TEX9: variants seen among roughly 807,000 people sequenced by gnomAD.
TEX9 encodes testis expressed 9, also known as testis-expressed protein 9.
TEX9 carries 74 observed loss-of-function variants against 59.6 expected under a neutral mutation model. The ratio of observed to expected loss-of-function variants is 1.24; its 90% CI spans 1.03 to 1.51. TEX9 has a LOEUF of 1.51. Among genes scored for constraint, TEX9 ranks in the 40% most tolerant of loss-of-function variants. The pLI is 0.00. For synonymous variants in TEX9, 186 were observed against 152.2 expected, an observed-to-expected ratio of 1.22 and a Z score of -1.64; for missense variants, 522 against 447.8, an observed-to-expected ratio of 1.17 and a Z score of -1.49.
chr15:56,433,665 C>T (rs1309112663), intron 12 of TEX9, among the ~76,000 whole-genome samples: 1 of 152,122 alleles, frequency 6.6e-6, no homozygotes, highest in Non-Finnish European at 1.5e-5. Flanking sequence ...ACCTTCAATG[C>T]TCTCACTTGA....
At chr15:56,422,112 A>G (rs1596230727) in intron 10 of TEX9, among the ~76,000 whole-genome samples, 2 of 78,592 alleles carry the variant, frequency 2.5e-5, no homozygotes, top group East Asian at 4.5e-4. Context: ...GGGAGGGGGG[A>G]GGGGGGAGGG....
At chr15:56,310,979 C>A (rs1260911953) in intron 1 of TEX9, among the ~76,000 whole-genome samples, 2 of 152,230 alleles carry the variant, frequency 1.3e-5, no homozygotes, top group African/African-American at 4.8e-5. Flanking sequence ...TACAGATGAC[C>A]TCAGACGAAC....
chr15:56,403,861 G>C (rs1488413336), intron 9 of TEX9, among the ~76,000 whole-genome samples: 1 of 152,160 alleles, frequency 6.6e-6, no homozygotes, highest in Non-Finnish European at 1.5e-5. Flanking sequence ...TGACAAACCT[G>C]ACAAAAACAA....
At chr15:56,352,470 C>G (rs1364347581) in intron 1 of TEX9, among the ~76,000 whole-genome samples, 2 of 151,568 alleles carry the variant, frequency 1.3e-5, no homozygotes, top group Non-Finnish European at 2.9e-5. Flanking sequence ...CCAGGCTGGT[C>G]TTGAACTCCT....
At chr15:56,424,467 G>C (rs1423628621) in intron 10 of TEX9, among the ~76,000 whole-genome samples, 3 of 152,036 alleles carry the variant, frequency 2.0e-5, no homozygotes, top group African/African-American at 7.2e-5. Flanking sequence ...TTTTGGTTAG[G>C]GAGTTTTGTC....
chr15:56,356,528 A>G (rs2046687913), intron 1 of TEX9, among the ~76,000 whole-genome samples: 1 of 152,124 alleles, frequency 6.6e-6, no homozygotes, highest in Non-Finnish European at 1.5e-5. Flanking sequence ...TTTGGTAGGC[A>G]TACGTGTGTG....
At chr15:56,453,214 C>G in the TEX9 span, among the ~76,000 whole-genome samples, 2 of 152,088 alleles carry the variant, frequency 1.3e-5, no homozygotes, top group African/African-American at 2.4e-5. Context: ...TCCCAAAAGA[C>G]ATAATAAATA....
intron 10 of TEX9, among the ~76,000 whole-genome samples, chr15:56,422,597 C>G (rs1407136559): frequency 6.6e-6 from 1 of 151,824 alleles, no homozygotes; most frequent in East Asian, 1.9e-4. Context: ...CCCACCCTTT[C>G]TGCTATTGTC....
chr15:56,339,383 C>CAAAAAAAAAAAAAAAAAAAAAAA lies in TEX9; in HGVS notation c.-106-34049_-106-34027dup, dbSNP rs71456382. ...GGGTGTCAGAGCAAGACTCCTTCTCCAAAAAAAAAAAAAAAAAAAAAAAAA... is the reference window on the plus strand; with the variant it reads ...GGGTGTCAGAGCAAGACTCCTTCTCCAAAAAAAAAAAAAAAAAAAAAAAAAAAAAAAAAAAAAAAAAAAAAAAA... On this transcript the variant is annotated intron_variant, in intron 1 of 5. Coordinates refer to the TEX9 transcript ENST00000560827. 2.3e-4 allele frequency among the ~76,000 whole-genome samples: 7 copies of CAAAAAAAAAAAAAAAAAAAAAAA among 30,766 alleles called. 1 individual carries two copies. The highest frequency in any genetic ancestry group is 7.2e-4 in the African/African-American group (6 of 8,326). The allele number at this position is 30,766 out of a possible 152,430, so 20.2% of individuals were successfully genotyped here.
chr15:56,372,321 T>C (rs565034986), intron 2 of TEX9, among the ~76,000 whole-genome samples: 43 of 151,088 alleles, frequency 2.8e-4, no homozygotes, highest in East Asian at 2.3e-3. Context: ...TCTCCCCCCC[T>C]TTTTTTTTCC....
chr15:56,308,966 G>C (rs1412824796), intron 1 of TEX9, among the ~76,000 whole-genome samples: 1 of 152,106 alleles, frequency 6.6e-6, no homozygotes, highest in East Asian at 1.9e-4. Context: ...AGTAAGTTTT[G>C]AAATCAGAAA....
At chr15:56,244,794 C>T (rs1166350616) in intron 1 of TEX9, among the ~76,000 whole-genome samples, 3 of 151,950 alleles carry the variant, frequency 2.0e-5, no homozygotes, top group African/African-American at 7.2e-5. Flanking sequence ...GAACACCCGC[C>T]CTCCCCCCGC....
rs182766518 is a variant in TEX9, at chr15:56,245,515, C to G, written c.-107+1237C>G. Among the ~76,000 whole-genome samples, 51 of 152,290 alleles carry G rather than the reference C, an allele frequency of 3.3e-4. 1 individual carries two copies. Among genetic ancestry groups the G allele is most frequent in the Middle Eastern group, 6.8e-3 (2 of 294 alleles). On this transcript the variant is annotated intron_variant, in intron 1 of 5. Transcript: ENST00000560827. The stretch of plus-strand genomic sequence containing the variant: ...TACGACATTCATTTTGCATACATAT[C>G]TTCATGTGGGTGTGTAAAGACAGTA...
chr15:56,383,597 A>G (rs1023141505), intron 3 of TEX9, among the ~76,000 whole-genome samples: 2 of 152,102 alleles, frequency 1.3e-5, no homozygotes, highest in African/African-American at 4.8e-5. Flanking sequence ...TTTTCTACCC[A>G]TTTAGTGAAT....
intron 1 of TEX9, among the ~76,000 whole-genome samples, chr15:56,263,801 T>C (rs1340520358): frequency 6.6e-6 from 1 of 152,250 alleles, no homozygotes; most frequent in African/African-American, 2.4e-5. Flanking sequence ...TGGAACGATA[T>C]AATATGAAGC....
intron 12 of TEX9, among the ~76,000 whole-genome samples, chr15:56,441,014 G>A (rs1596259823): frequency 6.6e-6 from 1 of 152,030 alleles, no homozygotes; most frequent in East Asian, 1.9e-4. Context: ...TCTAATATAT[G>A]CATTTAAAGA....
At chr15:56,305,094 G>A (rs1312391501) in intron 1 of TEX9, among the ~76,000 whole-genome samples, 1 of 152,116 alleles carries the variant, frequency 6.6e-6, no homozygotes, top group Non-Finnish European at 1.5e-5. Context: ...GATCTCTACA[G>A]TAAAAACTAT....
intron 1 of TEX9, among the ~76,000 whole-genome samples, chr15:56,265,091 T>G (rs995633075): frequency 1.3e-5 from 2 of 152,160 alleles, no homozygotes; most frequent in Non-Finnish European, 2.9e-5. Flanking sequence ...CACTTTTCCT[T>G]AAAAATTTTC....
At chr15:56,364,466 C>CTTT (rs55845567), upstream of TEX9, among the ~76,000 whole-genome samples, 2 of 139,598 alleles carry the variant, frequency 1.4e-5, no homozygotes, top group African/African-American at 2.6e-5. Context: ...TTTTTCTTTT[C>CTTT]TTTTTTTTTT....
Sources: allele counts gnomAD v4.1 joint callset (sites outside exome capture counted in the v4.1 genomes callset), GRCh38; gene constraint gnomAD v4.1.1; transcripts MANE v1.5; gene names NCBI Gene and HGNC (gene_info 2026-07-23, HGNC 2026-07-21).